Variants in SSU72 observed in about 807,000 individuals in gnomAD.
SSU72 encodes SSU72 homolog, RNA polymerase II CTD phosphatase, also known as RNA polymerase II subunit A C-terminal domain phosphatase SSU72.
A neutral mutation model predicts 22.7 loss-of-function variants in SSU72; 12 were observed. The ratio of observed to expected loss-of-function variants is 0.53; its 90% CI spans 0.34 to 0.86. SSU72 has a LOEUF of 0.86. SSU72 is among the 40% of genes least tolerant of loss of function. SSU72 has a pLI of 0.02. For synonymous variants in SSU72, 116 were observed against 98.3 expected, an observed-to-expected ratio of 1.18 and a Z score of -1.06; for missense variants, 151 against 249.8, an observed-to-expected ratio of 0.60 and a Z score of 2.67.
At position 1,545,036 on chromosome 1, in the gene SSU72, G is replaced by A. The variant is rs373155134; in HGVS notation, c.225-34C>T. ...GGGAGTTAAGGAACGTCAGAGAAAA[G>A]GCATCTGTGTATGAAGCCTGGAAGC... is the stretch of plus-strand genomic sequence containing the variant. On this transcript the variant is annotated intron_variant, in intron 2 of 4. Transcript: ENST00000291386. The A allele has an allele frequency of 2.9e-4, 461 of 1,605,210 alleles. No individual in the cohort carries two copies. The African/African-American group carries it at 5.4e-3, about 19-fold the overall frequency.
At chr1:1,544,335 G>T (rs1286991077) in intron 3 of SSU72, among the ~76,000 whole-genome samples, 3 of 152,154 alleles carry the variant, frequency 2.0e-5, no homozygotes, top group Non-Finnish European at 4.4e-5. Flanking sequence ...CTTGAAAAAT[G>T]GGCCTGGCGC....
chr1:1,563,483 G>A (rs183242191), intron 2 of SSU72: 2 of 136,598 alleles, frequency 1.5e-5, no homozygotes, highest in African/African-American at 5.8e-5. Flanking sequence ...AGTGAGCTGA[G>A]ATCAAGCCGC....
At chr1:1,544,479 G>A (rs1157226401) in intron 3 of SSU72, among the ~76,000 whole-genome samples, 1 of 152,188 alleles carries the variant, frequency 6.6e-6, no homozygotes, top group East Asian at 1.9e-4. Context: ...TCAGCTGGGT[G>A]TGGTGGCACA....
chr1:1,552,685 C>A (rs1296941739), intron 2 of SSU72, among the ~76,000 whole-genome samples: 1 of 152,204 alleles, frequency 6.6e-6, no homozygotes, highest in Non-Finnish European at 1.5e-5. Context: ...TCACCACACA[C>A]TATCTAGTCA....
Position 1,574,472 on chromosome 1 carries a change from A to G in SSU72, c.80+6T>C, listed in dbSNP as rs893322579. 3.1e-6 allele frequency: 5 copies of G among 1,593,962 alleles called. No homozygotes were observed. Among genetic ancestry groups the G allele is most frequent in the Non-Finnish European group, 4.3e-6 (5 of 1,172,430 alleles). On this transcript the variant is annotated splice_donor_region_variant and intron_variant, in intron 1 of 4. Coordinates refer to ENST00000291386, the MANE Select transcript of SSU72 (RefSeq NM_014188.3). Reference sequence around the variant, plus strand: ...AGCGCGCGGGGACAGGGTGGAGCCCAACTACCTGAGGATGTTGTGCGCCTC... The same window carrying G: ...AGCGCGCGGGGACAGGGTGGAGCCCGACTACCTGAGGATGTTGTGCGCCTC...
intron 1 of SSU72, among the ~76,000 whole-genome samples, chr1:1,565,509 A>G (rs901887062): frequency 1.3e-5 from 2 of 152,216 alleles, no homozygotes; most frequent in Admixed American, 1.3e-4. Flanking sequence ...TTGGCCATCG[A>G]CCAACGTCCT....
At chr1:1,566,657 C>T (rs918704627) in intron 1 of SSU72, among the ~76,000 whole-genome samples, 3 of 152,104 alleles carry the variant, frequency 2.0e-5, no homozygotes, top group African/African-American at 7.2e-5. Context: ...TCAAGACCAG[C>T]CTGGCTAACA....
chr1:1,573,318 T>G (rs1442734428), intron 1 of SSU72, among the ~76,000 whole-genome samples: 1 of 149,478 alleles, frequency 6.7e-6, no homozygotes, highest in African/African-American at 2.5e-5. Flanking sequence ...TAGTCCCAGC[T>G]ACTCGGGAGG....
In SSU72 at chr1:1,542,107, TCTC is replaced by T. The variant is rs1241246508; in HGVS notation, c.541_543del (p.Glu181del). On this transcript the variant is annotated inframe_deletion, in exon 5 of 5. Coordinates refer to ENST00000291386, the MANE Select transcript of SSU72 (RefSeq NM_014188.3). The surrounding 1 kb of genome is among the most constrained non-coding windows in gnomAD (Gnocchi z 4.4). ...GTGTGCAGAAAGGTGCGGCCACTCTTCTCCTCGAACTCCTGCAGCAGCTCGTCG... is the reference window on the plus strand; with the variant it reads ...GTGTGCAGAAAGGTGCGGCCACTCTTCTCGAACTCCTGCAGCAGCTCGTCG... The T allele has an allele frequency of 6.3e-6, 10 of 1,593,984 alleles. No individual in the cohort carries two copies. Among genetic ancestry groups the T allele is most frequent in the Admixed American group, 1.8e-5 (1 of 56,820 alleles).
At chr1:1,567,536 T>C (rs1421735264) in intron 1 of SSU72, among the ~76,000 whole-genome samples, 1 of 152,142 alleles carries the variant, frequency 6.6e-6, no homozygotes, top group African/African-American at 2.4e-5. Flanking sequence ...AAGTCAACTG[T>C]TGGTTGTGAC....
At chr1:1,548,559 A>AC (rs1455690838) in intron 2 of SSU72, among the ~76,000 whole-genome samples, 1 of 150,474 alleles carries the variant, frequency 6.6e-6, no homozygotes, top group Non-Finnish European at 1.5e-5. Flanking sequence ...TGTCTCAAAA[A>AC]AAAAAAAAAA....
chr1:1,569,549 G>A (rs1006299380), intron 1 of SSU72, among the ~76,000 whole-genome samples: 1 of 152,194 alleles, frequency 6.6e-6, no homozygotes, highest in Non-Finnish European at 1.5e-5. Context: ...GGAGTTCAGT[G>A]GCGCAGTCAC....
At chr1:1,571,320 C>T (rs1570402057) in intron 1 of SSU72, among the ~76,000 whole-genome samples, 1 of 139,142 alleles carries the variant, frequency 7.2e-6, no homozygotes, top group South Asian at 2.3e-4. Flanking sequence ...GTAGTCCCAG[C>T]TACTCGGAGG....
At chr1:1,550,604 C>T (rs2031709) in intron 2 of SSU72, among the ~76,000 whole-genome samples, 2 of 152,118 alleles carry the variant, frequency 1.3e-5, no homozygotes, top group African/African-American at 2.4e-5. Flanking sequence ...GCTGGCCCCC[C>T]TCAAGTGCCT....
intron 1 of SSU72, among the ~76,000 whole-genome samples, chr1:1,571,540 ACT>A (rs914182022): frequency 6.6e-6 from 1 of 151,674 alleles, no homozygotes; most frequent in Non-Finnish European, 1.5e-5. Context: ...CTTCCTTTTG[ACT>A]CTCTTCTGAG....
chr1:1,559,047 C>T (rs1164643553), intron 2 of SSU72, among the ~76,000 whole-genome samples: 1 of 152,252 alleles, frequency 6.6e-6, no homozygotes, highest in African/African-American at 2.4e-5. Flanking sequence ...CTGCACGTGA[C>T]CCTGGGAGCC....
rs116703397 is a variant in SSU72 at position 1,544,846 on chromosome 1, C to A, written c.364+17G>T. Reference sequence around the variant, plus strand: ...AGAGCTGCTGGAGCCCAGCCCAGCACGCAGCCGCCTCCTCACCTTCCACCA... The same window carrying A: ...AGAGCTGCTGGAGCCCAGCCCAGCAAGCAGCCGCCTCCTCACCTTCCACCA... On this transcript the variant is annotated intron_variant, in intron 3 of 4. Coordinates refer to ENST00000291386, the MANE Select transcript of SSU72 (RefSeq NM_014188.3). 2.5e-6 allele frequency: 4 copies of A among 1,614,010 alleles called. No individual in the cohort carries two copies. Among genetic ancestry groups the A allele is most frequent in the South Asian group, 1.1e-5 (1 of 91,078 alleles).
intron 4 of SSU72, 71 bp downstream of exon 4, chr1:1,543,798 C>G (rs762319521): frequency 4.5e-6 from 6 of 1,322,934 alleles, no homozygotes; most frequent in Non-Finnish European, 6.5e-6. Context: ...GGCCACTCCC[C>G]TCTGTCACGG....
Position 1,574,830 on chromosome 1 carries a change from G to T in SSU72, c.-273C>A. The T allele has an allele frequency of 3.0e-6, 1 of 334,984 alleles. No individual in the cohort carries two copies. The highest frequency in any genetic ancestry group is 5.8e-6 in the Non-Finnish European group (1 of 172,318). 20.8% of individuals were successfully genotyped at this position (334,984 alleles called of 1,614,324 possible). A position where few individuals can be genotyped will look rare whatever the true frequency, so the allele number is the denominator to read the frequency against. On this transcript the variant is annotated 5_prime_UTR_variant, in exon 1 of 5. Transcript: ENST00000291386. ...GCCGGCCCCCGGCGTCCGCAGCAGAGACCCGCACTCCACAAGGCCCGGCTG... is the reference window on the plus strand; with the variant it reads ...GCCGGCCCCCGGCGTCCGCAGCAGATACCCGCACTCCACAAGGCCCGGCTG...
Sources: allele counts gnomAD v4.1 joint callset (sites outside exome capture counted in the v4.1 genomes callset), GRCh38; gene constraint gnomAD v4.1.1; non-coding constraint Gnocchi (gnomAD v3.1); transcripts MANE v1.5; gene names NCBI Gene and HGNC (gene_info 2026-07-23, HGNC 2026-07-21).